The following AKT3 variants were observed in gnomAD, a reference collection of about 807,000 sequenced individuals.
AKT3 encodes AKT serine/threonine kinase 3, also known as RAC-gamma serine/threonine-protein kinase.
AKT3 carries 15 observed loss-of-function variants against 65.3 expected under a neutral mutation model. The observed-to-expected ratio is 0.23, with a 90% confidence interval of 0.15 to 0.35. AKT3 has a LOEUF of 0.35. Among genes scored for constraint, AKT3 ranks in the 10% least tolerant of loss-of-function variants. The pLI, the probability that AKT3 is intolerant of heterozygous loss-of-function variation, is 1.00. For synonymous variants in AKT3, 206 were observed against 183.8 expected (o/e 1.12, Z -0.98); for missense variants, 243 against 576.5 (o/e 0.42, Z 5.92).
At chr1:243,607,894 C>A (rs1253983935) in intron 8 of AKT3, among the ~76,000 whole-genome samples, 1 of 152,170 alleles carries the variant, frequency 6.6e-6, no homozygotes, top group African/African-American at 2.4e-5. Flanking sequence ...TTATAAGAAG[C>A]TTTTCCCCCT....
chr1:243,516,687 C>A (rs1670382357), intron 12 of AKT3, among the ~76,000 whole-genome samples: 1 of 151,554 alleles, frequency 6.6e-6, no homozygotes, highest in Admixed American at 6.6e-5. Context: ...CTGAAGCAAT[C>A]CTCCTGCCTC....
Position 243,499,749 on chromosome 1 carries a change from T to A in AKT3, c.*5500A>T. ...TATTGAAACTTACTTTTTATTATTTTTTCCAGTTACCCAGCATGCCACAAT... is the reference window on the plus strand; with the variant it reads ...TATTGAAACTTACTTTTTATTATTTATTCCAGTTACCCAGCATGCCACAAT... On this transcript the variant is annotated 3_prime_UTR_variant, in exon 14 of 14. Transcript: ENST00000673466. 1 of 1,609,972 alleles carries A rather than the reference T, an allele frequency of 6.2e-7. No individual in the cohort carries two copies. The highest frequency in any genetic ancestry group is 8.5e-7 in the Non-Finnish European group (1 of 1,176,408).
chr1:243,655,440 C>A (rs959415320), intron 4 of AKT3, among the ~76,000 whole-genome samples: 8 of 151,620 alleles, frequency 5.3e-5, no homozygotes, highest in Admixed American at 3.9e-4. Flanking sequence ...GAATATGATT[C>A]TATTGTCTGT....
At chr1:243,574,721 A>G (rs1310676792) in intron 8 of AKT3, among the ~76,000 whole-genome samples, 1 of 152,156 alleles carries the variant, frequency 6.6e-6, no homozygotes, top group Admixed American at 6.5e-5. Context: ...AAGTAGAAGG[A>G]GCCATGTTTT....
intron 4 of AKT3, among the ~76,000 whole-genome samples, chr1:243,656,549 T>A (rs953671305): frequency 6.6e-6 from 1 of 152,108 alleles, no homozygotes; most frequent in Non-Finnish European, 1.5e-5. Flanking sequence ...TTCTTGAATG[T>A]AGATGTGAAA....
chr1:243,556,951 A>AAG, intron 10 of AKT3, among the ~76,000 whole-genome samples: 1 of 152,084 alleles, frequency 6.6e-6, no homozygotes. Context: ...CTATTTCTCA[A>AAG]CTGCTTTAAT....
chr1:243,721,283 C>G (rs1215282543), intron 2 of AKT3, among the ~76,000 whole-genome samples: 2 of 152,068 alleles, frequency 1.3e-5, no homozygotes, highest in African/African-American at 4.8e-5. Flanking sequence ...TGTCCCATAC[C>G]TGGGAGGAAG....
intron 3 of AKT3, among the ~76,000 whole-genome samples, chr1:243,665,289 G>T (rs143473680): frequency 1.3e-5 from 2 of 151,954 alleles, no homozygotes; most frequent in Non-Finnish European, 2.9e-5. Context: ...ATAACACCTC[G>T]CCCTAGACTG....
chr1:243,593,944 T>C (rs1676420200), intron 8 of AKT3, among the ~76,000 whole-genome samples: 2 of 152,136 alleles, frequency 1.3e-5, no homozygotes, highest in African/African-American at 4.8e-5. Flanking sequence ...GAAAGATGCA[T>C]AGACAGATAG....
At chr1:243,601,731 A>T (rs560362152) in intron 8 of AKT3, among the ~76,000 whole-genome samples, 1 of 152,238 alleles carries the variant, frequency 6.6e-6, no homozygotes, top group East Asian at 1.9e-4. Flanking sequence ...AGCCATAAAA[A>T]GAAACAAACT....
intron 2 of AKT3, among the ~76,000 whole-genome samples, chr1:243,715,470 C>T (rs1686449297): frequency 6.6e-6 from 1 of 152,004 alleles, no homozygotes; most frequent in Non-Finnish European, 1.5e-5. Flanking sequence ...TCGACATAGA[C>T]AGATGTTTTG....
chr1:243,583,016 AAAG>A (rs768210594), intron 8 of AKT3, among the ~76,000 whole-genome samples: 33 of 151,464 alleles, frequency 2.2e-4, no homozygotes, highest in Non-Finnish European at 3.8e-4. Context: ...AAAAAAAGAC[AAAG>A]AAGAGTATTA....
intron 1 of AKT3, among the ~76,000 whole-genome samples, chr1:243,848,615 AGT>A (rs1695614115): frequency 6.6e-6 from 1 of 151,988 alleles, no homozygotes; most frequent in Non-Finnish European, 1.5e-5. Context: ...GTGGTTGCCT[AGT>A]GATGTATAGT....
chr1:243,618,831 T>A (rs1272363904), intron 6 of AKT3, among the ~76,000 whole-genome samples: 1 of 152,122 alleles, frequency 6.6e-6, no homozygotes, highest in African/African-American at 2.4e-5. Context: ...ACCCTCTCGA[T>A]GTTTTGTGGT....
intron 2 of AKT3, among the ~76,000 whole-genome samples, chr1:243,726,509 T>C (rs1305791732): frequency 2.6e-5 from 4 of 152,266 alleles, no homozygotes; most frequent in African/African-American, 9.6e-5. Flanking sequence ...TCAGTTTCTA[T>C]AACTTACAAC....
rs1028200317 is a variant in AKT3, at chr1:243,742,177, A to T, written c.47-46461T>A. On this transcript the variant is annotated intron_variant, in intron 2 of 13. Transcript: ENST00000673466. ...ATTTGGTATCCACAAGGGACCTAGA[A>T]CCAATCCCCTGTGGATACCAAGGGG... 6.6e-4 allele frequency among the ~76,000 whole-genome samples: 100 copies of T among 152,252 alleles called. 1 individual carries two copies. Among genetic ancestry groups the T allele is most frequent in the African/African-American group, 2.3e-3 (94 of 41,544 alleles).
intron 6 of AKT3, among the ~76,000 whole-genome samples, chr1:243,632,129 A>G (rs539183213): frequency 9.8e-5 from 15 of 152,302 alleles, no homozygotes; most frequent in Non-Finnish European, 1.9e-4. Context: ...TCTTTCCCAA[A>G]AGGTTTTCAA....
At position 243,780,343 on chromosome 1, in the gene AKT3, G is replaced by C. The variant is rs578003820; in HGVS notation, c.46+62782C>G. 2.0e-4 allele frequency among the ~76,000 whole-genome samples: 30 copies of C among 152,040 alleles called. No individual in the cohort carries two copies. In the East Asian group the frequency reaches 5.8e-3, roughly 29 times the overall value. On this transcript the variant is annotated intron_variant, in intron 2 of 13. Coordinates refer to ENST00000673466, the MANE Select transcript of AKT3 (RefSeq NM_005465.7). ...ATATGATTCAAGATTATTTTTTGTA[G>C]AATGAGAGCTATAAAGGCAATTATT...
chr1:243,582,793 C>G (rs917049722), intron 8 of AKT3, among the ~76,000 whole-genome samples: 3 of 151,962 alleles, frequency 2.0e-5, no homozygotes, highest in Non-Finnish European at 2.9e-5. Context: ...CTAAACACCT[C>G]ACTTAAAAGG....
Sources: allele counts gnomAD v4.1 joint callset (sites outside exome capture counted in the v4.1 genomes callset), GRCh38; gene constraint gnomAD v4.1.1; transcripts MANE v1.5; gene names NCBI Gene and HGNC (gene_info 2026-07-23, HGNC 2026-07-21).